HDHD2: variants seen among roughly 807,000 people sequenced by gnomAD.
The protein encoded by HDHD2 is haloacid dehalogenase-like hydrolase domain-containing protein 2.
Under a neutral mutation model 24.8 loss-of-function variants are expected in HDHD2, and 26 were observed. The observed-to-expected ratio is 1.05, with a 90% confidence interval of 0.77 to 1.45. The LOEUF is 1.45. Ranked by LOEUF, HDHD2 falls within the 40% of genes most tolerant of loss-of-function variation. HDHD2 has a pLI of 0.00. For synonymous variants in HDHD2, 128 were observed against 114.9 expected (o/e 1.11, Z -0.73); for missense variants, 299 against 313.4 (o/e 0.95, Z 0.35).
chr18:47,137,271 A>C (rs1167338649), intron 1 of HDHD2: 1 of 526,162 alleles, frequency 1.9e-6, no homozygotes, highest in African/African-American at 1.9e-5. Context: ...GATACAATGG[A>C]TGTGTTCCAG....
intron 4 of HDHD2, among the ~76,000 whole-genome samples, chr18:47,121,390 G>T (rs908569364): frequency 6.6e-6 from 1 of 152,058 alleles, no homozygotes; most frequent in African/African-American, 2.4e-5. Context: ...AGTCATACTT[G>T]ATTTCTCAAT....
At chr18:47,140,553 C>G (rs78854354) in intron 1 of HDHD2, among the ~76,000 whole-genome samples, 8,203 of 151,944 alleles carry the variant, frequency 0.054, 280 homozygotes, top group East Asian at 0.13. Context: ...GGGCCTTGTT[C>G]TGTCACCCAG....
chr18:47,127,710 C>CAAA (rs1235418525), intron 4 of HDHD2, among the ~76,000 whole-genome samples: 3 of 62,462 alleles, frequency 4.8e-5, no homozygotes, highest in Admixed American at 1.8e-4. Flanking sequence ...GACTTGGTCT[C>CAAA]AAAAAAAAAA....
At chr18:47,119,255 A>G (rs1374380561) in intron 4 of HDHD2, among the ~76,000 whole-genome samples, 1 of 152,174 alleles carries the variant, frequency 6.6e-6, no homozygotes, top group African/African-American at 2.4e-5. Flanking sequence ...TCTTCCTTTC[A>G]TGAAAGAATT....
intron 1 of HDHD2, among the ~76,000 whole-genome samples, chr18:47,139,397 G>A (rs1340891926): frequency 6.7e-6 from 1 of 149,292 alleles, no homozygotes; most frequent in African/African-American, 2.5e-5. Flanking sequence ...CCTGGGAGGC[G>A]GAGCTTGCAG....
chr18:47,145,717 T>C (rs1056683528), intron 1 of HDHD2, among the ~76,000 whole-genome samples: 5 of 152,130 alleles, frequency 3.3e-5, no homozygotes, highest in African/African-American at 1.2e-4. Context: ...AAAGGCTTTC[T>C]AAAATGAGAC....
intron 1 of HDHD2, among the ~76,000 whole-genome samples, chr18:47,144,792 CCT>C (rs1479065809): frequency 4.3e-5 from 6 of 139,928 alleles, no homozygotes; most frequent in African/African-American, 1.6e-4. Flanking sequence ...AGAGCAAGAC[CCT>C]GTCTCAAAAA....
intron 1 of HDHD2, among the ~76,000 whole-genome samples, chr18:47,147,683 A>G (rs2144400702): frequency 6.6e-6 from 1 of 152,320 alleles, no homozygotes; most frequent in Admixed American, 6.5e-5. Context: ...ACTTGGAGCC[A>G]AGGAACTGTC....
chr18:47,137,736 A>C (rs552218936), intron 1 of HDHD2, among the ~76,000 whole-genome samples: 1 of 152,314 alleles, frequency 6.6e-6, no homozygotes, highest in South Asian at 2.1e-4. Context: ...GTAAAACCAA[A>C]GACAATTTTA....
Position 47,108,796 on chromosome 18 carries a change from A to G in HDHD2, c.677-11T>C, listed in dbSNP as rs747432925. The G allele has an allele frequency of 1.2e-5, 18 of 1,530,090 alleles. No individual in the cohort carries two copies. The Admixed American group carries it at 3.0e-4, about 26-fold the overall frequency. 94.8% of individuals were successfully genotyped at this position (1,530,090 alleles called of 1,614,324 possible). A position where few individuals can be genotyped will look rare whatever the true frequency, so the allele number is the denominator to read the frequency against. ...ATGCTCGATATTTCCCTGAAATGAA[A>G]GTAAAGCCAGTAAACACAGGCTGCC... On this transcript the variant is annotated splice_polypyrimidine_tract_variant and intron_variant, in intron 6 of 6. Coordinates refer to ENST00000300605, the MANE Select transcript of HDHD2 (RefSeq NM_032124.5).
chr18:47,108,589 T>G lies in HDHD2; in HGVS notation c.*93A>C. ...GGGTTAAAAAGCGATCAGCACTGAC[T>G]GGTGTCTACCGATGCTGGCACTGAG... On this transcript the variant is annotated 3_prime_UTR_variant, in exon 7 of 7. Coordinates refer to ENST00000300605, the MANE Select transcript of HDHD2 (RefSeq NM_032124.5). The G allele has an allele frequency of 1.5e-6, 1 of 686,666 alleles. No homozygotes were observed. Among genetic ancestry groups the G allele is most frequent in the Non-Finnish European group, 2.6e-6 (1 of 387,116 alleles). 42.5% of individuals were successfully genotyped at this position (686,666 alleles called of 1,614,324 possible). A position where few individuals can be genotyped will look rare whatever the true frequency, so the allele number is the denominator to read the frequency against.
chr18:47,148,582 A>C (rs966136836), intron 1 of HDHD2, among the ~76,000 whole-genome samples: 2 of 152,192 alleles, frequency 1.3e-5, no homozygotes, highest in South Asian at 4.1e-4. Context: ...TCTGGGCTTG[A>C]ATATCACTGG....
chr18:47,118,587 C>A (rs147401139), intron 4 of HDHD2, among the ~76,000 whole-genome samples: 3 of 152,076 alleles, frequency 2.0e-5, no homozygotes, highest in African/African-American at 7.2e-5. Context: ...GTTGGGACTG[C>A]AGGGGAGGGA....
At chr18:47,146,702 G>A (rs2063874236) in intron 1 of HDHD2, among the ~76,000 whole-genome samples, 1 of 152,194 alleles carries the variant, frequency 6.6e-6, no homozygotes, top group South Asian at 2.1e-4. Flanking sequence ...CACAACTCTC[G>A]GAAATCTACT....
intron 4 of HDHD2, among the ~76,000 whole-genome samples, chr18:47,124,706 C>CAAAAAAAA (rs34350751): frequency 1.2e-4 from 5 of 43,342 alleles, no homozygotes; most frequent in Admixed American, 3.3e-4. Context: ...AACTCTGACT[C>CAAAAAAAA]AAAAAAAAAA....
Position 47,116,590 on chromosome 18 carries a change from C to A in HDHD2, c.396-1242G>T, listed in dbSNP as rs1362408961. ...TGGACAGATCCTTCAAATTTATTCACTAATATTAATACAAATTTATTTCTT... is the reference window on the plus strand; with the variant it reads ...TGGACAGATCCTTCAAATTTATTCAATAATATTAATACAAATTTATTTCTT... On this transcript the variant is annotated intron_variant, in intron 4 of 6. Coordinates refer to ENST00000300605, the MANE Select transcript of HDHD2 (RefSeq NM_032124.5). Among the ~76,000 whole-genome samples the A allele has an allele frequency of 2.6e-5, 4 of 152,196 alleles. No individual in the cohort carries two copies. In the East Asian group the frequency reaches 7.7e-4, roughly 29 times the overall value.
intron 4 of HDHD2, among the ~76,000 whole-genome samples, chr18:47,123,069 T>C (rs1308995669): frequency 6.6e-6 from 1 of 152,066 alleles, no homozygotes; most frequent in Non-Finnish European, 1.5e-5. Context: ...CAGTGTAACA[T>C]AGCAAGAAAA....
At chr18:47,140,823 TTTC>T (rs1343428874) in intron 1 of HDHD2, among the ~76,000 whole-genome samples, 1 of 141,806 alleles carries the variant, frequency 7.1e-6, no homozygotes, top group Non-Finnish European at 1.5e-5. Context: ...GGCCCCAAAC[TTTC>T]TTAATTCTAA....
intron 5 of HDHD2, among the ~76,000 whole-genome samples, chr18:47,114,226 C>G (rs561590500): frequency 7.2e-5 from 11 of 152,256 alleles, no homozygotes; most frequent in Admixed American, 1.3e-4. Context: ...ATTATAGAAA[C>G]AGAAGATAAA....
Sources: gnomAD v4.1 joint callset for allele counts (sites outside exome capture counted in the v4.1 genomes callset) on GRCh38, gnomAD v4.1.1 for gene constraint, MANE v1.5 for transcripts, NCBI Gene and HGNC (gene_info 2026-07-23, HGNC 2026-07-21) for gene names.